Variants in TANC1 observed in about 807,000 individuals in gnomAD.
TANC1 encodes tetratricopeptide repeat, ankyrin repeat and coiled-coil containing 1.
In TANC1, 77 loss-of-function variants were observed where a neutral mutation model predicts 149.7. That is an observed-to-expected ratio of 0.51 (90% CI 0.43 to 0.62). The LOEUF is 0.62. Among genes scored for constraint, TANC1 ranks in the 20% least tolerant of loss-of-function variants. The pLI is 0.00. For missense variants in TANC1, 1,985 were observed against 2,321.8 expected (o/e 0.85, Z 2.98); for synonymous variants, 854 against 925.0 (o/e 0.92, Z 1.39).
chr2:158,969,142 G>C (rs1368971993), intron 1 of TANC1, among the ~76,000 whole-genome samples: 1 of 152,182 alleles, frequency 6.6e-6, no homozygotes, highest in Non-Finnish European at 1.5e-5. Context: ...CCCGCCCGGC[G>C]CGCCCGCTCG....
intron 2 of TANC1, among the ~76,000 whole-genome samples, chr2:159,025,189 T>TTTTCTTTTTC (rs1553519915): frequency 1.8e-4 from 19 of 105,286 alleles, no homozygotes; most frequent in African/African-American, 6.9e-4. Flanking sequence ...TTTTTCTTTC[T>TTTTCTTTTTC]TTTCTTTCTT....
At chr2:159,062,482 A>C (rs2042301234) in intron 2 of TANC1, among the ~76,000 whole-genome samples, 1 of 152,210 alleles carries the variant, frequency 6.6e-6, no homozygotes. Flanking sequence ...GAAAAATGAC[A>C]GTAGTTGAAG....
At chr2:159,095,591 C>A (rs1218841618) in intron 3 of TANC1, among the ~76,000 whole-genome samples, 1 of 151,932 alleles carries the variant, frequency 6.6e-6, no homozygotes, top group Admixed American at 6.5e-5. Context: ...CAAAGATTAG[C>A]CGGGTGTGGT....
At chr2:159,132,034 G>T (rs1012804648) in intron 4 of TANC1, among the ~76,000 whole-genome samples, 3 of 152,130 alleles carry the variant, frequency 2.0e-5, no homozygotes, top group African/African-American at 7.2e-5. Context: ...ATTTAATCCA[G>T]ATTTGATAGT....
intron 2 of TANC1, among the ~76,000 whole-genome samples, chr2:159,015,927 T>G (rs2038222681): frequency 1.3e-5 from 2 of 152,314 alleles, no homozygotes; most frequent in Admixed American, 6.5e-5. Context: ...GTTCCAAACT[T>G]TCCCACATTC....
chr2:159,124,827 C>A (rs1343286598), intron 4 of TANC1, among the ~76,000 whole-genome samples: 1 of 151,738 alleles, frequency 6.6e-6, no homozygotes, highest in Admixed American at 6.6e-5. Context: ...GCAGCCTCGA[C>A]TTGTGTGATC....
intron 22 of TANC1, among the ~76,000 whole-genome samples, chr2:159,221,971 G>T (rs531050806): frequency 3.9e-5 from 6 of 152,300 alleles, no homozygotes; most frequent in African/African-American, 1.4e-4. Context: ...TCTAATGGAA[G>T]GACTAGCTGG....
intron 4 of TANC1, among the ~76,000 whole-genome samples, chr2:159,113,524 T>C (rs1166424231): frequency 6.6e-6 from 1 of 152,210 alleles, no homozygotes; most frequent in Non-Finnish European, 1.5e-5. Flanking sequence ...TCCTAGAATA[T>C]GTTGGAAGAA....
intron 2 of TANC1, among the ~76,000 whole-genome samples, chr2:159,048,951 C>T (rs1452741150): frequency 6.6e-6 from 1 of 152,184 alleles, no homozygotes; most frequent in Non-Finnish European, 1.5e-5. Context: ...TGTTAAATTG[C>T]TCTTGGGAGC....
chr2:159,102,712 C>CTTTGTTTT (rs2046849204), intron 4 of TANC1, among the ~76,000 whole-genome samples: 1 of 27,122 alleles, frequency 3.7e-5, no homozygotes, highest in Non-Finnish European at 8.1e-5. Context: ...TGGATATTTG[C>CTTTGTTTT]TTTTTTTTTT....
At chr2:159,221,387 A>T (rs2059699247) in intron 22 of TANC1, among the ~76,000 whole-genome samples, 1 of 149,664 alleles carries the variant, frequency 6.7e-6, no homozygotes, top group Non-Finnish European at 1.5e-5. Flanking sequence ...TCTCAAAAAA[A>T]TAATAAATAA....
intron 5 of TANC1, among the ~76,000 whole-genome samples, chr2:159,143,256 T>A (rs1280521560): frequency 6.6e-6 from 1 of 152,136 alleles, no homozygotes; most frequent in Non-Finnish European, 1.5e-5. Flanking sequence ...GATGTTTTGA[T>A]ATTATGTGAT....
chr2:158,994,887 T>G (rs1470121662), intron 1 of TANC1, among the ~76,000 whole-genome samples: 1 of 152,266 alleles, frequency 6.6e-6, no homozygotes, highest in Non-Finnish European at 1.5e-5. Context: ...ATCTGATTTC[T>G]TCTTTTTAAA....
chr2:159,127,923 G>A (rs1447787603), intron 4 of TANC1, among the ~76,000 whole-genome samples: 5 of 152,238 alleles, frequency 3.3e-5, no homozygotes, highest in Non-Finnish European at 7.3e-5. Flanking sequence ...CTACCAGATT[G>A]TGAACATTTA....
chr2:159,061,514 C>T (rs573065434), intron 2 of TANC1, among the ~76,000 whole-genome samples: 1 of 152,174 alleles, frequency 6.6e-6, no homozygotes, highest in Non-Finnish European at 1.5e-5. Context: ...AATTATTAGG[C>T]CTCATTCCCT....
chr2:159,007,651 A>G (rs577741242), intron 2 of TANC1, among the ~76,000 whole-genome samples: 37 of 152,340 alleles, frequency 2.4e-4, no homozygotes, highest in African/African-American at 8.4e-4. Context: ...TCATACGGCA[A>G]AATCTCCTGA....
chr2:159,096,854 G>T (rs997675228), intron 3 of TANC1, among the ~76,000 whole-genome samples: 2 of 152,160 alleles, frequency 1.3e-5, no homozygotes, highest in Admixed American at 6.5e-5. Flanking sequence ...GAAGCGAGAA[G>T]CCAAAGAGAA....
rs577541404 is a variant in TANC1 at position 159,062,696 on chromosome 2, G to T, written c.-15-3200G>T. ...AAGAAAGCAAAGCTCGGCCGGGCGC[G>T]GTGGCTCACGCCTGTAATCCCAGCA... On this transcript the variant is annotated intron_variant, in intron 2 of 26. Coordinates refer to ENST00000263635, the MANE Select transcript of TANC1 (RefSeq NM_033394.3). Among the ~76,000 whole-genome samples, 8 of 152,178 alleles carry T rather than the reference G, an allele frequency of 5.3e-5. No individual in the cohort carries two copies. The East Asian group carries it at 1.4e-3, about 26-fold the overall frequency.
intron 7 of TANC1, among the ~76,000 whole-genome samples, chr2:159,161,537 C>G (rs1352499779): frequency 6.6e-6 from 1 of 152,220 alleles, no homozygotes; most frequent in African/African-American, 2.4e-5. Flanking sequence ...AAGCAATAAT[C>G]TTATCAATAA....
Sources: allele counts gnomAD v4.1 joint callset (sites outside exome capture counted in the v4.1 genomes callset), GRCh38; gene constraint gnomAD v4.1.1; transcripts MANE v1.5; gene names NCBI Gene and HGNC (gene_info 2026-07-23, HGNC 2026-07-21).